Variants in SRP19 observed in about 807,000 individuals in gnomAD.
The protein encoded by SRP19 is signal recognition particle 19 kDa protein.
SRP19 carries 11 observed loss-of-function variants against 22.4 expected under a neutral mutation model. That is an observed-to-expected ratio of 0.49 (90% CI 0.31 to 0.81). The LOEUF is 0.81. Among genes scored for constraint, SRP19 ranks in the 40% least tolerant of loss-of-function variants. The probability of loss-of-function intolerance (pLI) is 0.05; values close to 1 mark genes in which losing one functional copy is unlikely to be tolerated. For missense variants in SRP19, 168 were observed against 175.9 expected (o/e 0.96, Z 0.25); for synonymous variants, 61 against 57.6 (o/e 1.06, Z -0.27).
intron 4 of SRP19, chr5:112,876,398 C>G (rs1457263073): frequency 6.6e-6 from 1 of 152,132 alleles, no homozygotes; most frequent in Non-Finnish European, 1.5e-5. Context: ...AATGAGAACT[C>G]AATTTTATTT....
At chr5:112,882,726 A>G (rs925259704) in intron 4 of SRP19, among the ~76,000 whole-genome samples, 5 of 152,244 alleles carry the variant, frequency 3.3e-5, no homozygotes, top group Non-Finnish European at 5.9e-5. Flanking sequence ...CAACAGAGAC[A>G]TGATAGCCCA....
chr5:112,879,116 A>G (rs1206502556), intron 4 of SRP19, among the ~76,000 whole-genome samples: 1 of 152,112 alleles, frequency 6.6e-6, no homozygotes, highest in Non-Finnish European at 1.5e-5. Context: ...TCTGCCCTCT[A>G]TTCTCCTTTA....
chr5:112,873,271 C>CTTTTTTTTTTTTTTTTTTTTTTTTT (rs35379154), downstream of SRP19, among the ~76,000 whole-genome samples: 17 of 50,756 alleles, frequency 3.3e-4, no homozygotes, highest in East Asian at 1.5e-3. Flanking sequence ...CTCAGGTTTT[C>CTTTTTTTTTTTTTTTTTTTTTTTTT]TTTTTTTTTT....
chr5:112,886,960 C>G, intron 4 of SRP19: 1 of 1,329,242 alleles, frequency 7.5e-7, no homozygotes, highest in Non-Finnish European at 1.0e-6. Flanking sequence ...GTTATTTGAG[C>G]CCAGTGTGTC....
Position 112,861,332 on chromosome 5 carries a change from C to A in SRP19, c.-45C>A. Reference sequence around the variant, plus strand: ...AGCCGGGTTCCTCCCGGGTTTCTGCCGGGTTTCTCCCTGCGGCTCCTGGGT... The same window carrying A: ...AGCCGGGTTCCTCCCGGGTTTCTGCAGGGTTTCTCCCTGCGGCTCCTGGGT... On this transcript the variant is annotated 5_prime_UTR_variant, in exon 1 of 5. Coordinates refer to ENST00000505459, the MANE Select transcript of SRP19 (RefSeq NM_003135.3). 1 of 1,612,788 alleles carries A rather than the reference C, an allele frequency of 6.2e-7. No homozygotes were observed. Among genetic ancestry groups the A allele is most frequent in the Non-Finnish European group, 8.5e-7 (1 of 1,178,874 alleles).
In SRP19 at chr5:112,867,743, A is replaced by T. The variant is rs1767655883; in HGVS notation, c.*206A>T. ...TCTCGCGTATATGCCGTATAAAAGA[A>T]TTTTTTTGTCTTTCAATGCAGTTTT... On this transcript the variant is annotated 3_prime_UTR_variant, in exon 5 of 5. Coordinates refer to ENST00000505459, the MANE Select transcript of SRP19 (RefSeq NM_003135.3). 1 of 1,269,344 alleles carries T rather than the reference A, an allele frequency of 7.9e-7. No individual in the cohort carries two copies. The allele number at this position is 1,269,344 out of a possible 1,614,324, so 78.6% of individuals were successfully genotyped here.
chr5:112,861,376 G>C lies in SRP19; in HGVS notation c.-1G>C, dbSNP rs1216889595. The C allele has an allele frequency of 6.2e-7, 1 of 1,614,084 alleles. No homozygotes were observed. ...CCTGGGTTGTTGAGACTCTTGTGAA[G>C]ATGGCTTGCGCTGCCGCGCGGTCCC... is the stretch of plus-strand genomic sequence containing the variant. On this transcript the variant is annotated 5_prime_UTR_variant, in exon 1 of 5. Transcript: ENST00000505459.
chr5:112,884,782 C>T (rs1027212023), intron 4 of SRP19, among the ~76,000 whole-genome samples: 1 of 151,498 alleles, frequency 6.6e-6, no homozygotes, highest in African/African-American at 2.4e-5. Flanking sequence ...GTCCTTGGCC[C>T]CCCCCCATCT....
intron 4 of SRP19, among the ~76,000 whole-genome samples, chr5:112,866,278 G>A (rs561315092): frequency 6.6e-4 from 100 of 151,836 alleles, no homozygotes; most frequent in African/African-American, 2.3e-3. Flanking sequence ...CACCAGACCC[G>A]GCTAATTTTG....
intron 4 of SRP19, among the ~76,000 whole-genome samples, chr5:112,876,125 TA>T (rs199898689): frequency 3.3e-5 from 5 of 151,344 alleles, no homozygotes; most frequent in African/African-American, 7.3e-5. Context: ...ATACACAGGT[TA>T]AAAAAAAACA....
chr5:112,864,342 G>T, intron 2 of SRP19, 115 bp from the exon 3 acceptor site: 1 of 878,770 alleles, frequency 1.1e-6, no homozygotes, highest in South Asian at 1.6e-5. Context: ...AATGAAAAAG[G>T]AAACCTAGGG....
At chr5:112,877,229 TTAATA>T (rs1767924816) in intron 4 of SRP19, 1 of 152,188 alleles carries the variant, frequency 6.6e-6, no homozygotes. Context: ...ATTGATATCT[TTAATA>T]TTTTTTACAT....
chr5:112,892,940 G>A lies in SRP19; in HGVS notation c.*1333G>A, dbSNP rs757789873. On this transcript the variant is annotated 3_prime_UTR_variant, in exon 5 of 5. Transcript: ENST00000391338. ...CCAAGCAGAGGAAGAAATAGGCACC[G>A]CAGCTGGGACCAGGGCCGCCGGAGC... is the stretch of plus-strand genomic sequence containing the variant. The A allele has an allele frequency of 2.8e-5, 44 of 1,599,462 alleles. No homozygotes were observed. In the Middle Eastern group the frequency reaches 8.3e-4, roughly 30 times the overall value.
At position 112,879,345 on chromosome 5, in the gene SRP19, G is replaced by A. The variant is rs990944243; in HGVS notation, c.302-12258G>A. On this transcript the variant is annotated intron_variant, in intron 4 of 4. Coordinates refer to the SRP19 transcript ENST00000391338. ...GTGTTTGGGGGGGGGGGCTGGGGGG[G>A]CGGTGGGGGAGAGGAGATTAGTTCC... 2.3e-5 allele frequency among the ~76,000 whole-genome samples: 3 copies of A among 128,842 alleles called. 1 individual carries two copies. Among genetic ancestry groups the A allele is most frequent in the Admixed American group, 7.9e-5 (1 of 12,612 alleles). 84.5% of individuals were successfully genotyped at this position (128,842 alleles called of 152,430 possible). A position where few individuals can be genotyped will look rare whatever the true frequency, so the allele number is the denominator to read the frequency against.
At chr5:112,876,592 T>G (rs1174583835) in intron 4 of SRP19, 1 of 152,224 alleles carries the variant, frequency 6.6e-6, no homozygotes, top group Admixed American at 6.5e-5. Flanking sequence ...TTGAAGAATT[T>G]AAGCTGTTTG....
chr5:112,897,506 A>G (rs1162908238), downstream of SRP19: 1 of 152,212 alleles, frequency 6.6e-6, no homozygotes, highest in Admixed American at 6.5e-5. Context: ...GAATAAAGGA[A>G]TGAGCATATG....
At chr5:112,885,161 C>A in intron 4 of SRP19, 1 of 170,666 alleles carries the variant, frequency 5.9e-6, no homozygotes, top group South Asian at 1.2e-4. Context: ...CCCTGCTGCT[C>A]ATGGTGCCAG....
At chr5:112,864,411 C>G in intron 2 of SRP19, 46 bp from the exon 3 acceptor site, 1 of 1,495,844 alleles carries the variant, frequency 6.7e-7, no homozygotes, top group Non-Finnish European at 9.3e-7. Context: ...ATGGCAGTGT[C>G]CACTTAAAGC....
intron 4 of SRP19, among the ~76,000 whole-genome samples, chr5:112,879,494 G>A (rs1768003889): frequency 6.6e-6 from 1 of 152,042 alleles, no homozygotes; most frequent in African/African-American, 2.4e-5. Flanking sequence ...TATTTTTTGA[G>A]ACGGAGTCTC....
Sources: allele counts gnomAD v4.1 joint callset (sites outside exome capture counted in the v4.1 genomes callset), GRCh38; gene constraint gnomAD v4.1.1; transcripts MANE v1.5; gene names NCBI Gene and HGNC (gene_info 2026-07-23, HGNC 2026-07-21).